MMP28: variants seen among roughly 807,000 people sequenced by gnomAD.
The protein encoded by MMP28 is matrix metallopeptidase 28, also known as matrix metalloproteinase-28.
Under a neutral mutation model 60.5 loss-of-function variants are expected in MMP28, and 55 were observed. That is an observed-to-expected ratio of 0.91 (90% CI 0.73 to 1.14). The LOEUF (loss-of-function observed/expected upper bound fraction) is 1.14. MMP28 is among the 50% of genes most tolerant of loss of function. The pLI is 0.00. For synonymous variants in MMP28, 318 were observed against 312.5 expected (o/e 1.02, Z -0.18); for missense variants, 686 against 738.3 (o/e 0.93, Z 0.82).
At chr17:35,791,406 T>G (rs1324154451) in intron 1 of MMP28, among the ~76,000 whole-genome samples, 5 of 151,998 alleles carry the variant, frequency 3.3e-5, no homozygotes, top group Non-Finnish European at 7.4e-5. Context: ...GGCATGGTGG[T>G]GCGTGTCTGT....
At chr17:35,772,677 T>C (rs1167592769) in intron 4 of MMP28, among the ~76,000 whole-genome samples, 1 of 152,236 alleles carries the variant, frequency 6.6e-6, no homozygotes, top group Non-Finnish European at 1.5e-5. Flanking sequence ...AGCCAGAGTC[T>C]TCAGGTTGGG....
rs2086008478 is a variant in MMP28, at chr17:35,768,296, G to A, written c.934C>T (p.Gln312Ter). The change falls in exon 6 of 8, where the codon CAA (glutamine) becomes TAA (stop). Residue 312 changes from glutamine (Q) to a stop codon, truncating the protein, a stop_gained. Transcript: ENST00000605424. LOFTEE classifies it high-confidence loss of function. ...DFETWDSYSP[Q>*]GRRPETQGPK... The stretch of plus-strand genomic sequence containing the variant: ...CCCTGCGTTTCAGGGCGCCTTCCTT[G>A]GGGGCTGTAGGAGTCCCAGGTCTCA... The A allele has an allele frequency of 6.2e-7, 1 of 1,613,268 alleles. No homozygotes were observed. The highest frequency in any genetic ancestry group is 8.5e-7 in the Non-Finnish European group (1 of 1,179,616).
chr17:35,766,530 C>T lies in MMP28; in HGVS notation c.1533G>A (p.Trp511Ter). ...WATELPWMGC[W>*]HANSGSALF ...ACAGGGCGCTCCCCGAGTTGGCATGCCAGCAGCCCATCCAGGGCAGCTCGG... is the reference window on the plus strand; with the variant it reads ...ACAGGGCGCTCCCCGAGTTGGCATGTCAGCAGCCCATCCAGGGCAGCTCGG... The change falls in exon 8 of 8, where the codon TGG (tryptophan) becomes TGA (stop). Residue 511 changes from tryptophan (W) to a stop codon, truncating the protein, a stop_gained. Coordinates refer to ENST00000605424, the MANE Select transcript of MMP28 (RefSeq NM_024302.5). LOFTEE classifies it high-confidence loss of function. The surrounding 1 kb of genome is among the most constrained non-coding windows in gnomAD (Gnocchi z 4.3). 1 of 1,601,000 alleles carries T rather than the reference C, an allele frequency of 6.2e-7. No homozygotes were observed.
In MMP28 at chr17:35,779,231, C is replaced by G. The variant is rs754362651; in HGVS notation, c.191+13G>C. 3 of 1,606,804 alleles carry G rather than the reference C, an allele frequency of 1.9e-6. No homozygotes were observed. In the South Asian group the frequency reaches 3.4e-5, roughly 18 times the overall value. On this transcript the variant is annotated intron_variant, in intron 2 of 7. Coordinates refer to ENST00000605424, the MANE Select transcript of MMP28 (RefSeq NM_024302.5). ...CACCCCTACCCCAAGTCCTCCACAT[C>G]CCTCCACCCTACCTGATGGCATCGC... is the stretch of plus-strand genomic sequence containing the variant.
chr17:35,794,582 T>C (rs1164921820), intron 1 of MMP28, among the ~76,000 whole-genome samples: 1 of 151,794 alleles, frequency 6.6e-6, no homozygotes, highest in Non-Finnish European at 1.5e-5. Flanking sequence ...CTTATATTGA[T>C]CCCCACCCCT....
At position 35,769,526 on chromosome 17, in the gene MMP28, C is replaced by T. The variant is rs555017942; in HGVS notation, c.850+541G>A. Among the ~76,000 whole-genome samples the T allele has an allele frequency of 6.7e-4, 102 of 152,274 alleles. No individual in the cohort carries two copies. The South Asian group carries it at 0.011, about 16-fold the overall frequency. On this transcript the variant is annotated intron_variant, in intron 5 of 7. Coordinates refer to ENST00000605424, the MANE Select transcript of MMP28 (RefSeq NM_024302.5). ...GAGACAGCCCTGGGCTGAGATAGAT[C>T]CCAGGGCAGTAGCACTGGCCCACCC...
intron 1 of MMP28, among the ~76,000 whole-genome samples, chr17:35,781,311 A>G (rs970957876): frequency 6.6e-6 from 1 of 152,248 alleles, no homozygotes; most frequent in African/African-American, 2.4e-5. Context: ...GGAAGCCTGC[A>G]GGAGGTACAG....
chr17:35,772,859 C>G (rs1407966876), intron 4 of MMP28, among the ~76,000 whole-genome samples: 1 of 152,138 alleles, frequency 6.6e-6, no homozygotes, highest in Non-Finnish European at 1.5e-5. Flanking sequence ...CTCTGGAGAA[C>G]AAGAGAAGCA....
downstream of MMP28, among the ~76,000 whole-genome samples, chr17:35,762,732 C>T (rs2085845532): frequency 6.6e-6 from 1 of 152,118 alleles, no homozygotes; most frequent in East Asian, 1.9e-4. Flanking sequence ...GCCTGCCCAC[C>T]CCACCAGCGG....
chr17:35,760,206 G>A lies in MMP28; in HGVS notation c.266-3787C>T, dbSNP rs145986765. On this transcript the variant is annotated intron_variant, in intron 2 of 2. Coordinates refer to the MMP28 transcript ENST00000615317. ...CTCAACAGATGGAGGGCTTTCCAGA[G>A]CTGAATCTGTCCATTGTCCATCTAC... is the stretch of plus-strand genomic sequence containing the variant. Among the ~76,000 whole-genome samples, 292 of 152,042 alleles carry A rather than the reference G, an allele frequency of 1.9e-3. 4 individuals carry two copies. The highest frequency in any genetic ancestry group is 0.014 in the Middle Eastern group (4 of 294).
Position 35,795,484 on chromosome 17 carries a change from C to G in MMP28, c.-107G>C. On this transcript the variant is annotated 5_prime_UTR_variant, in exon 1 of 8. Transcript: ENST00000605424. ...GGGGATGGGACTGCTCTGCGCCGCCCCCGCACGGAGAGGGACTGTCCCGGG... is the reference window on the plus strand; with the variant it reads ...GGGGATGGGACTGCTCTGCGCCGCCGCCGCACGGAGAGGGACTGTCCCGGG... The G allele has an allele frequency of 1.3e-6, 1 of 756,716 alleles. No homozygotes were observed. Among genetic ancestry groups the G allele is most frequent in the African/African-American group, 1.8e-5 (1 of 54,192 alleles). The allele number at this position is 756,716 out of a possible 1,614,324, so 46.9% of individuals were successfully genotyped here. A position where few individuals can be genotyped will look rare whatever the true frequency, so the allele number is the denominator to read the frequency against.
chr17:35,776,441 G>A (rs559329719), intron 3 of MMP28, among the ~76,000 whole-genome samples: 2 of 152,000 alleles, frequency 1.3e-5, no homozygotes, highest in South Asian at 4.2e-4. Context: ...CTCCCAAATC[G>A]CTGGGATTAA....
At chr17:35,781,191 T>C (rs2086489725) in intron 1 of MMP28, among the ~76,000 whole-genome samples, 1 of 152,010 alleles carries the variant, frequency 6.6e-6, no homozygotes, top group Non-Finnish European at 1.5e-5. Flanking sequence ...GGATAAGAAG[T>C]GTAGGTTTGT....
At chr17:35,781,840 T>G (rs2086511580) in intron 1 of MMP28, among the ~76,000 whole-genome samples, 2 of 152,040 alleles carry the variant, frequency 1.3e-5, no homozygotes, top group South Asian at 4.1e-4. Context: ...CTGTATTTCT[T>G]TTTTCTTTTC....
In MMP28 at chr17:35,787,429, C is replaced by T. The variant is rs8066139; in HGVS notation, c.111+7838G>A. On this transcript the variant is annotated intron_variant, in intron 1 of 7. Coordinates refer to ENST00000605424, the MANE Select transcript of MMP28 (RefSeq NM_024302.5). ...TATTTTGGGTAAAGGCTTCCCCTTC[C>T]CTCTGCCTGACTCCCTTTCTTTTTC... 4.8e-3 allele frequency among the ~76,000 whole-genome samples: 737 copies of T among 152,276 alleles called. 8 individuals are homozygous for T. Among genetic ancestry groups the T allele is most frequent in the African/African-American group, 0.017 (714 of 41,554 alleles).
At chr17:35,772,602 A>C (rs1019134619) in intron 4 of MMP28, among the ~76,000 whole-genome samples, 1 of 152,196 alleles carries the variant, frequency 6.6e-6, no homozygotes, top group African/African-American at 2.4e-5. Context: ...AAATGTGCAA[A>C]CAGCCTATAT....
At chr17:35,764,529 A>T (rs1192703901), downstream of MMP28, 4 of 1,600,046 alleles carry the variant, frequency 2.5e-6, no homozygotes, top group Non-Finnish European at 3.4e-6. Context: ...CAAGAAATGC[A>T]GGAGTCTGCA....
At chr17:35,767,001 G>A (rs1555603754) in intron 7 of MMP28, 107 bp from the exon 8 acceptor site, 4 of 1,062,564 alleles carry the variant, frequency 3.8e-6, no homozygotes, top group Non-Finnish European at 4.2e-6. Context: ...TGGAGCCCAC[G>A]ATGGTTGGTA....
chr17:35,778,854 A>T, intron 3 of MMP28, 34 bp downstream of exon 3: 1 of 1,614,050 alleles, frequency 6.2e-7, no homozygotes, highest in African/African-American at 1.3e-5. Context: ...GACATTGGGA[A>T]ATCTTGGCCT....
Sources: gnomAD v4.1 joint callset for allele counts (sites outside exome capture counted in the v4.1 genomes callset) on GRCh38, gnomAD v4.1.1 for gene constraint, Gnocchi (gnomAD v3.1) non-coding constraint, MANE v1.5 for transcripts, NCBI Gene and HGNC (gene_info 2026-07-23, HGNC 2026-07-21) for gene names.